The following SHANK2 variants were observed in gnomAD, a reference collection of about 807,000 sequenced individuals.
SHANK2 encodes the protein SH3 and multiple ankyrin repeat domains protein 2.
A neutral mutation model predicts 133.7 loss-of-function variants in SHANK2; 43 were observed. The observed-to-expected ratio is 0.32, with a 90% confidence interval of 0.25 to 0.41. The LOEUF (loss-of-function observed/expected upper bound fraction) is 0.41. Ranked by LOEUF, SHANK2 falls within the 10% of genes least tolerant of loss-of-function variation. The probability of loss-of-function intolerance (pLI) is 1.00; values close to 1 mark genes in which losing one functional copy is unlikely to be tolerated. For synonymous variants in SHANK2, 1,017 were observed against 952.8 expected (o/e 1.07, Z -1.24); for missense variants, 1,994 against 2,235.8 (o/e 0.89, Z 2.18).
intron 2 of SHANK2, among the ~76,000 whole-genome samples, chr11:71,211,010 T>C (rs1388655201): frequency 6.6e-6 from 1 of 152,104 alleles, no homozygotes; most frequent in Non-Finnish European, 1.5e-5. Context: ...GATCCTGCCA[T>C]TTGACCCCTC....
At chr11:70,820,803 G>A in intron 11 of SHANK2, 121 bp from the exon 12 acceptor site, 1 of 561,238 alleles carries the variant, frequency 1.8e-6, no homozygotes, top group Non-Finnish European at 3.2e-6. Context: ...CCAGCAGAGG[G>A]GAGCTGTGAG....
At chr11:71,108,955 G>C (rs1590920629) in intron 6 of SHANK2, among the ~76,000 whole-genome samples, 1 of 152,214 alleles carries the variant, frequency 6.6e-6, no homozygotes, top group South Asian at 2.1e-4. Context: ...CCAGCGTTCA[G>C]AGGTCGAGGG....
At chr11:70,850,097 A>G (rs1232634184) in intron 11 of SHANK2, among the ~76,000 whole-genome samples, 1 of 152,082 alleles carries the variant, frequency 6.6e-6, no homozygotes, top group African/African-American at 2.4e-5. Context: ...CCAGTACAGG[A>G]TTTATCCTTT....
intron 14 of SHANK2, among the ~76,000 whole-genome samples, chr11:70,716,874 C>G (rs1276835677): frequency 6.7e-6 from 1 of 148,952 alleles, no homozygotes; most frequent in Non-Finnish European, 1.5e-5. Context: ...CGCCTCACAT[C>G]TCACTGGACC....
chr11:71,205,596 C>T (rs1383349311), intron 2 of SHANK2, among the ~76,000 whole-genome samples: 1 of 152,208 alleles, frequency 6.6e-6, no homozygotes, highest in Non-Finnish European at 1.5e-5. Flanking sequence ...TTTGGGAAGT[C>T]CGAGTCGGCC....
intron 17 of SHANK2, among the ~76,000 whole-genome samples, chr11:70,594,753 GAA>G (rs781802525): frequency 2.0e-5 from 3 of 152,166 alleles, no homozygotes; most frequent in Non-Finnish European, 2.9e-5. Flanking sequence ...TGAATGGAGT[GAA>G]GAGTGAGCTA....
chr11:70,820,822 C>T (rs991288826), intron 11 of SHANK2, 140 bp from the exon 12 acceptor site: 11 of 542,726 alleles, frequency 2.0e-5, no homozygotes, highest in Admixed American at 3.3e-5. Context: ...AGTTCTGGGC[C>T]GAGACCCCAG....
intron 2 of SHANK2, among the ~76,000 whole-genome samples, chr11:71,164,647 T>C (rs75357229): frequency 0.016 from 2,510 of 152,364 alleles, 74 homozygotes; most frequent in East Asian, 0.086. Flanking sequence ...TATGGAGCGA[T>C]GAAATGTCAC....
intron 15 of SHANK2, among the ~76,000 whole-genome samples, chr11:70,672,100 A>G (rs1307739118): frequency 1.5e-4 from 18 of 122,652 alleles, no homozygotes; most frequent in Admixed American, 9.8e-5. Context: ...GTCTTGTTCT[A>G]TCGCCCAGGC....
chr11:71,186,597 C>A (rs963989345), intron 2 of SHANK2, among the ~76,000 whole-genome samples: 1 of 152,194 alleles, frequency 6.6e-6, no homozygotes. Flanking sequence ...CACGGACACT[C>A]GTACCTTAGA....
intron 6 of SHANK2, among the ~76,000 whole-genome samples, chr11:71,105,608 A>AAG (rs1233358107): frequency 1.5e-4 from 23 of 151,256 alleles, no homozygotes; most frequent in Admixed American, 4.0e-4. Flanking sequence ...AAAAAAAAAA[A>AAG]AAAAAAGAAA....
intron 14 of SHANK2, among the ~76,000 whole-genome samples, chr11:70,762,955 C>T (rs116672333): frequency 0.022 from 3,328 of 152,268 alleles, 112 homozygotes; most frequent in African/African-American, 0.076. Flanking sequence ...GATGGGAGCA[C>T]GCTCACCTGC....
intron 10 of SHANK2, among the ~76,000 whole-genome samples, chr11:70,916,916 A>G (rs1950279419): frequency 6.6e-6 from 1 of 152,198 alleles, no homozygotes; most frequent in Admixed American, 6.5e-5. Flanking sequence ...TGCGACCTTA[A>G]GCACCAGGTG....
chr11:70,871,453 G>C (rs1949461339), intron 11 of SHANK2, among the ~76,000 whole-genome samples: 2 of 152,208 alleles, frequency 1.3e-5, no homozygotes, highest in African/African-American at 2.4e-5. Context: ...CTTCTGAGAT[G>C]AGCCACATAG....
chr11:71,157,959 T>C (rs1367733041), intron 2 of SHANK2, among the ~76,000 whole-genome samples: 2 of 152,186 alleles, frequency 1.3e-5, no homozygotes, highest in East Asian at 3.9e-4. Flanking sequence ...CAAGGCCCTG[T>C]GTCCAGCAGG....
chr11:71,193,665 A>G (rs1247628836), intron 2 of SHANK2, among the ~76,000 whole-genome samples: 3 of 152,110 alleles, frequency 2.0e-5, no homozygotes, highest in Non-Finnish European at 4.4e-5. Context: ...GGGCACCTGC[A>G]CGAGTTGGCC....
chr11:70,594,509 C>A (rs532792252), intron 17 of SHANK2, among the ~76,000 whole-genome samples: 6 of 152,228 alleles, frequency 3.9e-5, no homozygotes, highest in African/African-American at 1.4e-4. Flanking sequence ...ATGAAGTCAA[C>A]CCAAGGAGCT....
At chr11:70,492,907 T>G (rs2135767584) in intron 21 of SHANK2, among the ~76,000 whole-genome samples, 1 of 150,500 alleles carries the variant, frequency 6.6e-6, no homozygotes, top group African/African-American at 2.4e-5. Context: ...GCAATTCTCT[T>G]GCGTCAGCCT....
At chr11:71,140,460 A>G (rs563395039) in intron 3 of SHANK2, among the ~76,000 whole-genome samples, 12 of 152,332 alleles carry the variant, frequency 7.9e-5, no homozygotes, top group African/African-American at 2.6e-4. Context: ...GAAAGCGTCA[A>G]ACAGGCAGGG....
Sources: allele counts gnomAD v4.1 joint callset (sites outside exome capture counted in the v4.1 genomes callset), GRCh38; gene constraint gnomAD v4.1.1; transcripts MANE v1.5; gene names NCBI Gene and HGNC (gene_info 2026-07-23, HGNC 2026-07-21).